The following GRM5 variants were observed in gnomAD, a reference collection of about 807,000 sequenced individuals.
GRM5 encodes the protein glutamate metabotropic receptor 5, also known as metabotropic glutamate receptor 5.
GRM5 carries 19 observed loss-of-function variants against 83.1 expected under a neutral mutation model. The ratio of observed to expected loss-of-function variants is 0.23; its 90% confidence interval spans 0.16 to 0.34. The LOEUF (loss-of-function observed/expected upper bound fraction) is 0.34, where lower values mean the gene tolerates loss of function less well. GRM5 is among the 10% of genes least tolerant of loss of function. GRM5 has a pLI of 1.00. For missense variants in GRM5, 1,160 were observed against 1,588.3 expected (o/e 0.73, Z 4.58); for synonymous variants, 675 against 633.6 (o/e 1.07, Z -0.98).
intron 2 of GRM5, among the ~76,000 whole-genome samples, chr11:88,933,108 T>C (rs912079980): frequency 2.6e-5 from 4 of 151,674 alleles, no homozygotes; most frequent in Admixed American, 2.0e-4. Context: ...TTTATATTAC[T>C]TTCTATCTTT....
intron 3 of GRM5, among the ~76,000 whole-genome samples, chr11:88,733,912 C>T (rs1372861671): frequency 3.3e-5 from 5 of 151,860 alleles, no homozygotes; most frequent in South Asian, 2.1e-4. Flanking sequence ...CCCACCCTTA[C>T]CTTAGAGGTT....
chr11:88,797,571 G>C (rs1943305082), intron 3 of GRM5, among the ~76,000 whole-genome samples: 1 of 152,182 alleles, frequency 6.6e-6, no homozygotes, highest in African/African-American at 2.4e-5. Flanking sequence ...ATTTGCTTGA[G>C]ATGATACTAA....
intron 9 of GRM5, among the ~76,000 whole-genome samples, chr11:88,524,235 TGAGA>T (rs1941801929): frequency 3.2e-5 from 3 of 92,754 alleles, no homozygotes; most frequent in African/African-American, 3.1e-5. Flanking sequence ...TTTTTTTTTT[TGAGA>T]CAGTTTTCAC....
chr11:88,692,710 C>G (rs1940809363), intron 3 of GRM5, among the ~76,000 whole-genome samples: 1 of 152,180 alleles, frequency 6.6e-6, no homozygotes, highest in South Asian at 2.1e-4. Context: ...TGCTAGGTTT[C>G]CTCATGCCTA....
intron 3 of GRM5, among the ~76,000 whole-genome samples, chr11:88,754,694 G>A (rs567490862): frequency 6.6e-6 from 1 of 152,152 alleles, no homozygotes; most frequent in Non-Finnish European, 1.5e-5. Flanking sequence ...AAGTGCATAT[G>A]TGAGGGTCTG....
At chr11:89,056,942 C>T (rs1941889725) in intron 1 of GRM5, among the ~76,000 whole-genome samples, 1 of 152,010 alleles carries the variant, frequency 6.6e-6, no homozygotes, top group Non-Finnish European at 1.5e-5. Flanking sequence ...ATCAGGTAAC[C>T]ACACACTCTC....
intron 1 of GRM5, among the ~76,000 whole-genome samples, chr11:89,064,886 C>CTGTG (rs1477202270): frequency 2.7e-5 from 2 of 72,782 alleles, no homozygotes; most frequent in African/African-American, 1.1e-4. Flanking sequence ...CTCTCTCTCT[C>CTGTG]TCTGTGTGTG....
intron 1 of GRM5, among the ~76,000 whole-genome samples, chr11:89,049,555 C>A (rs924489855): frequency 2.6e-5 from 4 of 152,176 alleles, no homozygotes; most frequent in African/African-American, 9.7e-5. Context: ...ATCAAATCTA[C>A]AAAAAGTTAA....
intron 2 of GRM5, among the ~76,000 whole-genome samples, chr11:88,905,333 A>G (rs1945384238): frequency 6.6e-6 from 1 of 152,118 alleles, no homozygotes; most frequent in Non-Finnish European, 1.5e-5. Flanking sequence ...TTATTCATTA[A>G]TTCATTCATT....
chr11:89,054,111 G>A (rs960198894), intron 1 of GRM5, among the ~76,000 whole-genome samples: 2 of 152,130 alleles, frequency 1.3e-5, no homozygotes, highest in Admixed American at 6.5e-5. Context: ...AAGAATAAGG[G>A]CACGAAGGCA....
At chr11:88,589,969 G>T (rs544755771) in intron 7 of GRM5, among the ~76,000 whole-genome samples, 1 of 152,140 alleles carries the variant, frequency 6.6e-6, no homozygotes, top group East Asian at 1.9e-4. Context: ...TTTATATATT[G>T]TAAAAATTAG....
intron 2 of GRM5, among the ~76,000 whole-genome samples, chr11:88,895,698 C>T (rs1178626187): frequency 6.6e-6 from 1 of 151,838 alleles, no homozygotes; most frequent in Non-Finnish European, 1.5e-5. Flanking sequence ...TACTTTTAAA[C>T]AATAATGTCA....
chr11:88,644,868 G>A (rs1031753788), intron 4 of GRM5, among the ~76,000 whole-genome samples: 2 of 152,078 alleles, frequency 1.3e-5, no homozygotes, highest in African/African-American at 4.8e-5. Flanking sequence ...GAGTGGGAGT[G>A]TGTACAGGAG....
chr11:89,018,121 C>T (rs1209078637), intron 2 of GRM5, among the ~76,000 whole-genome samples: 1 of 152,104 alleles, frequency 6.6e-6, no homozygotes, highest in Non-Finnish European at 1.5e-5. Flanking sequence ...CAATATATGG[C>T]ACATAATTAT....
At chr11:88,926,347 C>T (rs977694848) in intron 2 of GRM5, among the ~76,000 whole-genome samples, 2 of 152,144 alleles carry the variant, frequency 1.3e-5, no homozygotes, top group Non-Finnish European at 2.9e-5. Context: ...GTGATTACCA[C>T]TAGCATGTTG....
At chr11:89,051,303 C>T (rs1487735846) in intron 1 of GRM5, among the ~76,000 whole-genome samples, 1 of 150,972 alleles carries the variant, frequency 6.6e-6, no homozygotes, top group Non-Finnish European at 1.5e-5. Flanking sequence ...AAGGCAGTCA[C>T]GTAAAAAATA....
At chr11:89,009,618 C>T (rs772543797) in intron 2 of GRM5, among the ~76,000 whole-genome samples, 1 of 151,832 alleles carries the variant, frequency 6.6e-6, no homozygotes, top group African/African-American at 2.4e-5. Flanking sequence ...AAAATCAGGC[C>T]GGGCGCGGTG....
intron 3 of GRM5, among the ~76,000 whole-genome samples, chr11:88,802,460 A>G (rs992490933): frequency 7.9e-5 from 11 of 139,630 alleles, no homozygotes; most frequent in African/African-American, 3.2e-4. Context: ...ATAGATGCAG[A>G]AAAGGCGTTT....
intron 3 of GRM5, among the ~76,000 whole-genome samples, chr11:88,805,928 T>G (rs1426219757): frequency 6.6e-6 from 1 of 152,208 alleles, no homozygotes; most frequent in African/African-American, 2.4e-5. Context: ...GGCTTCTATT[T>G]CTATAACTAG....
Sources: gnomAD v4.1 joint callset for allele counts (sites outside exome capture counted in the v4.1 genomes callset) on GRCh38, gnomAD v4.1.1 for gene constraint, MANE v1.5 for transcripts, NCBI Gene and HGNC (gene_info 2026-07-23, HGNC 2026-07-21) for gene names.